IGFN1: variants seen among roughly 807,000 people sequenced by gnomAD.
The protein encoded by IGFN1 is immunoglobulin like and fibronectin type III domain containing 1.
Under a neutral mutation model 289.5 loss-of-function variants are expected in IGFN1, and 253 were observed. That is an observed-to-expected ratio of 0.87 (90% CI 0.79 to 0.97). The LOEUF (loss-of-function observed/expected upper bound fraction) is 0.97, where lower values mean the gene tolerates loss of function less well. IGFN1 is among the 50% of genes least tolerant of loss of function. The pLI is 0.00. For missense variants in IGFN1, 4,470 were observed against 4,686.1 expected, an observed-to-expected ratio of 0.95 and a Z score of 1.35; for synonymous variants, 1,706 against 1,788.5, an observed-to-expected ratio of 0.95 and a Z score of 1.16.
Position 201,222,441 on chromosome 1 carries a change from G to T in IGFN1, c.10202-298G>T, listed in dbSNP as rs73087077. On this transcript the variant is annotated intron_variant, in intron 19 of 23. Coordinates refer to ENST00000335211, the MANE Select transcript of IGFN1 (RefSeq NM_001164586.2). ...TTTATCTCATCTGCAAAACATAAGC[G>T]CTCTGCCACATGTCTGCATCTTCCT... The T allele has an allele frequency of 3.7e-3, 1,108 of 302,848 alleles. 14 individuals carry two copies. Among genetic ancestry groups the T allele is most frequent in the African/African-American group, 0.023 (1,066 of 46,724 alleles). 18.8% of individuals were successfully genotyped at this position (302,848 alleles called of 1,614,324 possible).
At position 201,208,178 on chromosome 1, in the gene IGFN1, A is replaced by C. The variant is rs563169996; in HGVS notation, c.3285A>C (p.Gly1095=). The C allele has an allele frequency of 9.6e-5, 148 of 1,536,920 alleles. No individual in the cohort carries two copies. The Middle Eastern group carries it at 3.0e-3, about 31-fold the overall frequency. Reference sequence around the variant, plus strand: ...GTAGAGGTGGTCTCAAGGCCCCTGGAGTAGTGGAGACTGTTGGGATGGGAT... The same window carrying C: ...GTAGAGGTGGTCTCAAGGCCCCTGGCGTAGTGGAGACTGTTGGGATGGGAT... The part of the protein sequence containing the change: ...SAGRGGLKAP[G]VVETVGMGCV... The change falls in exon 12 of 24, where the codon GGA becomes GGC. Residue 1095 remains glycine (G), a synonymous_variant. Coordinates refer to ENST00000335211, the MANE Select transcript of IGFN1 (RefSeq NM_001164586.2).
chr1:201,226,338 G>A (rs1654097701), intron 22 of IGFN1, among the ~76,000 whole-genome samples: 1 of 152,170 alleles, frequency 6.6e-6, no homozygotes, highest in Admixed American at 6.5e-5. Context: ...CGACCTCCGT[G>A]GGAAGAATGA....
At position 201,197,278 on chromosome 1, in the gene IGFN1, G is replaced by A. The variant is rs373614005; in HGVS notation, c.328G>A (p.Gly110Arg). Residue 110 changes from glycine to arginine, a missense_variant, in exon 5 of 24, where the codon GGA becomes AGA. Gly to Arg is a moderately radical substitution (Grantham distance 125, BLOSUM62 -2). Around this residue, in one of 8 missense-constraint regions of IGFN1, gnomAD observed 2,011 missense variants for 1,953.4 expected, o/e 1.03. Transcript: ENST00000335211. Reference sequence around the variant, plus strand: ...CCGCTGCACAGCAGTAAATGCGTACGGAGAGGCCGCTTGCTCAGTGAGACT... The same window carrying A: ...CCGCTGCACAGCAGTAAATGCGTACAGAGAGGCCGCTTGCTCAGTGAGACT... Reference protein sequence around the residue: ...LYRCTAVNAYGEAACSVRLTV... With the variant: ...LYRCTAVNAYREAACSVRLTV... 22 of 1,551,410 alleles carry A rather than the reference G, an allele frequency of 1.4e-5. No homozygotes were observed. Among genetic ancestry groups the A allele is most frequent in the East Asian group, 7.3e-5 (3 of 40,936 alleles).
At chr1:201,193,943 A>G (rs900494539) in intron 2 of IGFN1, among the ~76,000 whole-genome samples, 1 of 152,066 alleles carries the variant, frequency 6.6e-6, no homozygotes, top group Non-Finnish European at 1.5e-5. Context: ...CTCCATTCAC[A>G]CTGCCAGAGT....
chr1:201,206,013 G>A (rs1297365160), intron 11 of IGFN1, 70 bp from the exon 12 acceptor site: 8 of 1,118,568 alleles, frequency 7.2e-6, no homozygotes, highest in African/African-American at 3.2e-5. Flanking sequence ...GATTTAACAG[G>A]AGTTTTGGTA....
At chr1:201,215,896 C>G in intron 15 of IGFN1, 58 bp downstream of exon 15, 1 of 1,536,420 alleles carries the variant, frequency 6.5e-7, no homozygotes, top group Non-Finnish European at 8.9e-7. Context: ...TCTGGGCCCT[C>G]CCTGCCATCA....
At chr1:201,221,359 TC>T in intron 18 of IGFN1, 84 bp from the exon 19 acceptor site, 2 of 1,056,188 alleles carry the variant, frequency 1.9e-6, no homozygotes, top group South Asian at 3.5e-5. Context: ...ATTCCCAGTC[TC>T]CCACAAGGAA....
rs1216096646 is a variant in IGFN1 at position 201,212,974 on chromosome 1, GC to G, written c.8082del (p.Ser2694ArgfsTer48). On this transcript the variant is annotated frameshift_variant, in exon 12 of 24. Transcript: ENST00000335211. LOFTEE classifies it high-confidence loss of function. ...TGCCGAAGCCCATGGTCCCTGGATA[GC>G]AAAGGTTCAAGTCCTGGAAGGGGCA... ...GGCRSPWSLD[S>X]KGSSPGRGSS... 2 of 1,551,562 alleles carry G rather than the reference GC, an allele frequency of 1.3e-6. No individual in the cohort carries two copies. The highest frequency in any genetic ancestry group is 3.9e-5 in the Admixed American group (2 of 51,006).
chr1:201,207,265 TC>T lies in IGFN1; in HGVS notation c.2373del (p.Arg792GlyfsTer15). On this transcript the variant is annotated frameshift_variant, in exon 12 of 24. Transcript: ENST00000335211. LOFTEE classifies it high-confidence loss of function. ...PRGCEGVLQE[L>X]RGRDGQETAW... ...GGCTGCGAAGGTGTCCTACAGGAGC[TC>T]AGGGGAAGGGATGGCCAGGAAACAG... The T allele has an allele frequency of 6.5e-7, 1 of 1,536,674 alleles. No homozygotes were observed. Among genetic ancestry groups the T allele is most frequent in the South Asian group, 1.2e-5 (1 of 84,046 alleles).
In IGFN1 at chr1:201,213,276, A is replaced by C; in HGVS notation, c.8383A>C (p.Lys2795Gln). The C allele has an allele frequency of 6.4e-7, 1 of 1,555,774 alleles. No individual in the cohort carries two copies. Reference protein sequence around the residue: ...NGEVQGPGALKEDEGQGVEEA... With the variant: ...NGEVQGPGALQEDEGQGVEEA... ...TGAGGTCCAGGGTCCTGGGGCCCTAAAGGAGGATGAAGGGCAGGGAGTGGA... is the reference window on the plus strand; with the variant it reads ...TGAGGTCCAGGGTCCTGGGGCCCTACAGGAGGATGAAGGGCAGGGAGTGGA... The change falls in exon 12 of 24, where the codon AAG (lysine) becomes CAG (glutamine). Residue 2795 changes from lysine to glutamine, a missense_variant. Physicochemically the swap from Lys to Gln is moderately conservative, Grantham distance 53. Around this residue, in one of 8 missense-constraint regions of IGFN1, gnomAD observed 2,218 missense variants for 2,114.1 expected, o/e 1.05. Transcript: ENST00000335211.
intron 17 of IGFN1, 29 bp downstream of exon 17, chr1:201,217,489 C>T (rs1653396953): frequency 6.2e-7 from 1 of 1,609,342 alleles, no homozygotes; most frequent in African/African-American, 1.3e-5. Flanking sequence ...TCCAGAGCTT[C>T]CTTAGACCCC....
At chr1:201,215,225 G>C (rs1653145360) in intron 14 of IGFN1, 71 bp downstream of exon 14, 4 of 1,480,002 alleles carry the variant, frequency 2.7e-6, no homozygotes, top group Non-Finnish European at 3.7e-6. Flanking sequence ...GATATGCCTT[G>C]CTTTAAAACA....
chr1:201,191,123 G>A (rs1666641477), intron 1 of IGFN1, among the ~76,000 whole-genome samples: 1 of 152,180 alleles, frequency 6.6e-6, no homozygotes, highest in African/African-American at 2.4e-5. Flanking sequence ...ATTTCAGTGT[G>A]TCCTGTCTGG....
At chr1:201,217,186 G>A (rs1233745451) in intron 16 of IGFN1, 101 bp from the exon 17 acceptor site, 11 of 1,024,698 alleles carry the variant, frequency 1.1e-5, no homozygotes, top group Non-Finnish European at 1.6e-5. Flanking sequence ...AGGGCGGAGT[G>A]TGGCCTGTCC....
chr1:201,217,264 A>C, intron 16 of IGFN1, 23 bp from the exon 17 acceptor site: 1 of 1,609,026 alleles, frequency 6.2e-7, no homozygotes, highest in Non-Finnish European at 8.5e-7. Context: ...CCTCTGGCTG[A>C]CTGGAATCTT....
At chr1:201,196,053 C>A in intron 4 of IGFN1, 75 bp downstream of exon 4, 1 of 1,432,680 alleles carries the variant, frequency 7.0e-7, no homozygotes, top group Non-Finnish European at 9.4e-7. Context: ...CTTTGGCAGC[C>A]TCCAATCCCT....
intron 18 of IGFN1, among the ~76,000 whole-genome samples, chr1:201,221,048 C>T (rs150098201): frequency 6.6e-6 from 1 of 152,148 alleles, no homozygotes; most frequent in East Asian, 1.9e-4. Flanking sequence ...AAGGCAGAGT[C>T]GTGACTCTAA....
intron 18 of IGFN1, 26 bp from the exon 19 acceptor site, chr1:201,221,418 C>T (rs1653710365): frequency 1.3e-6 from 2 of 1,513,452 alleles, no homozygotes; most frequent in Non-Finnish European, 1.8e-6. Flanking sequence ...AGATGCCATT[C>T]CTGACTCTCC....
chr1:201,209,401 A>G lies in IGFN1; in HGVS notation c.4508A>G (p.Glu1503Gly). The stretch of plus-strand genomic sequence containing the variant: ...TATAGGAAAGATTTGGGGGTTTCTG[A>G]GGGAGGGGGTTCAGGGAGCAAAGCA... The part of the protein sequence containing the change: ...AGYRKDLGVS[E>G]GGGSGSKAGY... Residue 1503 changes from glutamate (E) to glycine (G), a missense_variant, in exon 12 of 24, where the codon GAG becomes GGG. Glu to Gly is a moderately conservative substitution (Grantham distance 98). Transcript: ENST00000335211. 6.6e-7 allele frequency: 1 copy of G among 1,518,844 alleles called. No individual in the cohort carries two copies. Among genetic ancestry groups the G allele is most frequent in the Non-Finnish European group, 8.8e-7 (1 of 1,139,382 alleles). The allele number at this position is 1,518,844 out of a possible 1,614,324, so 94.1% of individuals were successfully genotyped here.
Sources: gnomAD v4.1 joint callset for allele counts (sites outside exome capture counted in the v4.1 genomes callset) on GRCh38, gnomAD v4.1.1 for gene constraint, gnomAD v4.1.1 regional missense constraint, MANE v1.5 for transcripts, NCBI Gene and HGNC (gene_info 2026-07-23, HGNC 2026-07-21) for gene names.